Variants in RAPGEF4 observed in about 807,000 individuals in gnomAD.
RAPGEF4 encodes the protein RAP guanine-nucleotide-exchange factor (GEF) 4.
A neutral mutation model predicts 147.9 loss-of-function variants in RAPGEF4; 66 were observed. That is an observed-to-expected ratio of 0.45 (90% CI 0.37 to 0.55). The LOEUF (loss-of-function observed/expected upper bound fraction) is 0.55, where lower values mean the gene tolerates loss of function less well. Ranked by LOEUF, RAPGEF4 falls within the 20% of genes least tolerant of loss-of-function variation. The probability of loss-of-function intolerance (pLI) is 0.00; values close to 1 mark genes in which losing one functional copy is unlikely to be tolerated. For synonymous variants in RAPGEF4, 419 were observed against 442.7 expected, an observed-to-expected ratio of 0.95 and a Z score of 0.67; for missense variants, 1,071 against 1,257.3, an observed-to-expected ratio of 0.85 and a Z score of 2.24.
chr2:173,000,026 A>C (rs3769236), intron 16 of RAPGEF4, among the ~76,000 whole-genome samples: 46,571 of 152,042 alleles, frequency 0.31, 7,273 homozygotes, highest in Non-Finnish European at 0.34. Flanking sequence ...AGTATTACCT[A>C]CTCTGTTCTC....
intron 22 of RAPGEF4, among the ~76,000 whole-genome samples, chr2:173,019,535 G>A (rs1418017759): frequency 6.6e-6 from 1 of 152,256 alleles, no homozygotes; most frequent in Non-Finnish European, 1.5e-5. Flanking sequence ...GGAAGCAACA[G>A]TGAGGTTCAT....
intron 4 of RAPGEF4, among the ~76,000 whole-genome samples, chr2:172,896,332 A>T (rs139447643): frequency 2.0e-5 from 3 of 152,206 alleles, no homozygotes; most frequent in African/African-American, 7.2e-5. Flanking sequence ...AATTTTCAGG[A>T]TACATCATTA....
At chr2:172,767,647 C>A (rs1696976290) in intron 1 of RAPGEF4, among the ~76,000 whole-genome samples, 1 of 152,062 alleles carries the variant, frequency 6.6e-6, no homozygotes, top group African/African-American at 2.4e-5. Flanking sequence ...ACAAAGACAC[C>A]AAGTGGTTAT....
intron 1 of RAPGEF4, among the ~76,000 whole-genome samples, chr2:172,738,736 C>A (rs1368308694): frequency 6.6e-6 from 1 of 152,066 alleles, no homozygotes; most frequent in African/African-American, 2.4e-5. Flanking sequence ...GATGCTGGGA[C>A]CTTTCAACTG....
At chr2:173,029,535 C>T (rs1415648993) in intron 25 of RAPGEF4, among the ~76,000 whole-genome samples, 2 of 152,164 alleles carry the variant, frequency 1.3e-5, no homozygotes, top group Non-Finnish European at 2.9e-5. Flanking sequence ...GGCGTAAGTA[C>T]AGATTCAAAA....
chr2:172,830,582 G>A (rs1468332506), intron 4 of RAPGEF4, among the ~76,000 whole-genome samples: 1 of 150,054 alleles, frequency 6.7e-6, no homozygotes, highest in Non-Finnish European at 1.5e-5. Context: ...AACCCATCAC[G>A]CAAAACAAGA....
At chr2:173,026,814 T>G (rs972949288) in intron 24 of RAPGEF4, 117 bp downstream of exon 24, 16 of 1,367,004 alleles carry the variant, frequency 1.2e-5, no homozygotes, top group Middle Eastern at 1.9e-4. Flanking sequence ...TGACCATTTT[T>G]TTGCATACTG....
At chr2:172,946,630 G>A (rs1458884236) in intron 6 of RAPGEF4, among the ~76,000 whole-genome samples, 2 of 152,132 alleles carry the variant, frequency 1.3e-5, no homozygotes, top group Non-Finnish European at 2.9e-5. Context: ...ATCAAGCCCT[G>A]TTCATCCTAA....
chr2:172,885,435 C>G (rs1015763350), intron 4 of RAPGEF4, among the ~76,000 whole-genome samples: 5 of 152,158 alleles, frequency 3.3e-5, no homozygotes, highest in African/African-American at 1.2e-4. Context: ...CCCAGCTGGT[C>G]GCCCTGTGTA....
chr2:173,051,705 G>A lies in RAPGEF4; in HGVS notation c.2974G>A (p.Val992Met), dbSNP rs746676144. 1.2e-6 allele frequency: 2 copies of A among 1,614,006 alleles called. No individual in the cohort carries two copies. Among genetic ancestry groups the A allele is most frequent in the South Asian group, 1.1e-5 (1 of 91,080 alleles). ...CCGGAGTTATGTACGGCAATTAAAT[G>A]TGATTGACAACCAGAGAACTTTATC... ...DVRSYVRQLN[V>M]IDNQRTLSQM... Residue 992 changes from valine (V) to methionine (M), a missense_variant, in exon 31 of 31, where the codon GTG (valine) becomes ATG (methionine). Physicochemically the swap from Val to Met is conservative, Grantham distance 21. Transcript: ENST00000397081.
At chr2:172,933,893 G>A (rs573569158) in intron 6 of RAPGEF4, among the ~76,000 whole-genome samples, 1 of 152,294 alleles carries the variant, frequency 6.6e-6, no homozygotes, top group African/African-American at 2.4e-5. Context: ...GATGTTATTT[G>A]TAACTTAGTT....
intron 4 of RAPGEF4, among the ~76,000 whole-genome samples, chr2:172,828,551 C>G (rs1010221325): frequency 6.6e-6 from 1 of 152,154 alleles, no homozygotes; most frequent in Non-Finnish European, 1.5e-5. Context: ...TGCTTGCTCT[C>G]TTGGTGCAGA....
chr2:172,814,208 A>C (rs1267949979), intron 3 of RAPGEF4, 71 bp from the exon 4 acceptor site: 1 of 1,473,314 alleles, frequency 6.8e-7, no homozygotes, highest in Non-Finnish European at 9.5e-7. Context: ...ATTATACTGC[A>C]GTTAAAGAAA....
intron 4 of RAPGEF4, among the ~76,000 whole-genome samples, chr2:172,906,613 G>A (rs1472582834): frequency 1.3e-5 from 2 of 152,230 alleles, no homozygotes; most frequent in Non-Finnish European, 2.9e-5. Context: ...GGCAGCATCT[G>A]GGTGGGAATG....
Position 172,797,742 on chromosome 2 carries a change from CTGTT to C in RAPGEF4, c.297+134_297+137del, listed in dbSNP as rs538935373. The C allele has an allele frequency of 1.0e-3, 685 of 670,710 alleles. 1 individual carries two copies. In the African/African-American group the frequency reaches 0.011, roughly 10 times the overall value. The allele number at this position is 670,710 out of a possible 1,614,324, so 41.5% of individuals were successfully genotyped here. On this transcript the variant is annotated intron_variant, in intron 3 of 30. Transcript: ENST00000397081. ...CTTTCCCACAATAAGGAGTTCAGCA[CTGTT>C]TGTTGGATTCCTTTATTAAGTTACT... is the stretch of plus-strand genomic sequence containing the variant.
intron 1 of RAPGEF4, among the ~76,000 whole-genome samples, chr2:172,769,083 C>G (rs151000894): frequency 3.6e-4 from 55 of 152,220 alleles, no homozygotes; most frequent in African/African-American, 1.2e-3. Flanking sequence ...GAGAACTAGA[C>G]CTAGGTTAAG....
At chr2:172,739,941 T>C (rs962299127) in intron 1 of RAPGEF4, among the ~76,000 whole-genome samples, 11 of 152,236 alleles carry the variant, frequency 7.2e-5, no homozygotes, top group African/African-American at 2.7e-4. Flanking sequence ...TCCTGAATGG[T>C]TGGAAATAAA....
chr2:173,020,577 G>T, intron 22 of RAPGEF4, 41 bp from the exon 23 acceptor site: 4 of 1,505,272 alleles, frequency 2.7e-6, no homozygotes, highest in Non-Finnish European at 3.7e-6. Flanking sequence ...GCAAATCTCA[G>T]ATGTATTTAA....
rs10712221 is a variant in RAPGEF4, at chr2:172,903,368, CAAAAAAAAAA to C, written c.445-14423_445-14414del. ...TGGGGGACAGAGTGAGACTCCATCT[CAAAAAAAAAA>C]AAAAAAAAAAGAAGCCGGGCGTGGT... On this transcript the variant is annotated intron_variant, in intron 4 of 30. Transcript: ENST00000397081. Among the ~76,000 whole-genome samples the C allele has an allele frequency of 7.1e-3, 583 of 82,686 alleles. 3 individuals carry two copies. The highest frequency in any genetic ancestry group is 0.056 in the Middle Eastern group (7 of 126). 54.2% of individuals were successfully genotyped at this position (82,686 alleles called of 152,430 possible).
Sources: gnomAD v4.1 joint callset for allele counts (sites outside exome capture counted in the v4.1 genomes callset) on GRCh38, gnomAD v4.1.1 for gene constraint, MANE v1.5 for transcripts, NCBI Gene and HGNC (gene_info 2026-07-23, HGNC 2026-07-21) for gene names.